PRKG1: variants seen among roughly 807,000 people sequenced by gnomAD.
The protein encoded by PRKG1 is cGMP-dependent protein kinase 1.
In PRKG1, 35 loss-of-function variants were observed where a neutral mutation model predicts 88.1. The ratio of observed to expected loss-of-function variants is 0.40; its 90% CI spans 0.30 to 0.53. The LOEUF is 0.53. Ranked by LOEUF, PRKG1 falls within the 20% of genes least tolerant of loss-of-function variation. The probability of loss-of-function intolerance (pLI) is 0.59; values close to 1 mark genes in which losing one functional copy is unlikely to be tolerated. For missense variants in PRKG1, 540 were observed against 839.8 expected (o/e 0.64, Z 4.41); for synonymous variants, 303 against 292.5 (o/e 1.04, Z -0.37).
intron 3 of PRKG1, among the ~76,000 whole-genome samples, chr10:51,802,490 A>C (rs1839197779): frequency 1.3e-5 from 2 of 152,118 alleles, no homozygotes; most frequent in African/African-American, 4.8e-5. Flanking sequence ...CATTCAGTTT[A>C]GATATTTTGA....
At chr10:51,209,066 A>G (rs2132069301) in intron 2 of PRKG1, among the ~76,000 whole-genome samples, 1 of 152,304 alleles carries the variant, frequency 6.6e-6, no homozygotes, top group East Asian at 1.9e-4. Context: ...CCAGCAATGG[A>G]AAATTTTGGT....
intron 5 of PRKG1, among the ~76,000 whole-genome samples, chr10:51,921,938 G>C (rs1425530754): frequency 6.6e-6 from 1 of 151,948 alleles, no homozygotes; most frequent in African/African-American, 2.4e-5. Context: ...GAATGAAGTA[G>C]AAAGTATTCT....
In PRKG1 at chr10:51,580,061, A is replaced by G. The variant is rs529201765; in HGVS notation, c.592+112225A>G. On this transcript the variant is annotated intron_variant, in intron 3 of 17. Transcript: ENST00000373980. ...GCATCTTTCTCATCCACATTCTCAT[A>G]TTTTTACTACATATGTGTTTGTCTG... Among the ~76,000 whole-genome samples the G allele has an allele frequency of 3.3e-5, 5 of 151,996 alleles. No homozygotes were observed. In the South Asian group the frequency reaches 1.0e-3, roughly 32 times the overall value.
chr10:51,680,976 G>T (rs537762990), intron 3 of PRKG1, among the ~76,000 whole-genome samples: 3 of 152,226 alleles, frequency 2.0e-5, no homozygotes, highest in Admixed American at 2.0e-4. Flanking sequence ...TAAAAACGAG[G>T]TGCATTCATT....
chr10:51,626,763 T>A (rs1009032499), intron 3 of PRKG1, among the ~76,000 whole-genome samples: 1 of 152,226 alleles, frequency 6.6e-6, no homozygotes, highest in Non-Finnish European at 1.5e-5. Context: ...TTGGTCAGTG[T>A]TGAGATCACT....
intron 3 of PRKG1, among the ~76,000 whole-genome samples, chr10:51,496,142 G>A (rs1223407478): frequency 6.6e-6 from 1 of 152,132 alleles, no homozygotes; most frequent in African/African-American, 2.4e-5. Context: ...ATTCAAGAAT[G>A]AAGTGATGTT....
chr10:52,205,043 G>A (rs1164434171), intron 9 of PRKG1, among the ~76,000 whole-genome samples: 2 of 152,108 alleles, frequency 1.3e-5, no homozygotes, highest in African/African-American at 4.8e-5. Context: ...TCTGCCTTAT[G>A]CAGATGTAGA....
chr10:51,713,324 T>C (rs2132437172), intron 3 of PRKG1, among the ~76,000 whole-genome samples: 1 of 152,304 alleles, frequency 6.6e-6, no homozygotes, highest in East Asian at 1.9e-4. Flanking sequence ...TTGCAAAGGG[T>C]TATTTTGTCA....
chr10:51,034,005 C>A (rs1232799219), intron 1 of PRKG1, among the ~76,000 whole-genome samples: 1 of 152,038 alleles, frequency 6.6e-6, no homozygotes, highest in East Asian at 1.9e-4. Context: ...ACACCAGAGA[C>A]AATGAGATGC....
At chr10:51,618,105 G>A (rs966958095) in intron 3 of PRKG1, among the ~76,000 whole-genome samples, 1 of 152,146 alleles carries the variant, frequency 6.6e-6, no homozygotes, top group Non-Finnish European at 1.5e-5. Flanking sequence ...TCTGGCTACA[G>A]CTGTTTTATC....
chr10:51,610,236 A>G (rs1263333298), intron 3 of PRKG1, among the ~76,000 whole-genome samples: 2 of 152,114 alleles, frequency 1.3e-5, no homozygotes, highest in African/African-American at 2.4e-5. Flanking sequence ...TATTCCTTCT[A>G]TTGAACTGTG....
At chr10:52,045,377 G>A (rs1187608712) in intron 5 of PRKG1, among the ~76,000 whole-genome samples, 1 of 152,098 alleles carries the variant, frequency 6.6e-6, no homozygotes, top group Admixed American at 6.6e-5. Flanking sequence ...AATGATTCAA[G>A]GAGAAAGGAC....
At chr10:52,089,804 C>CTTTTTTTTTTTTTTTTTTTTTTTTTTTT (rs397846439) in intron 7 of PRKG1, among the ~76,000 whole-genome samples, 4 of 67,732 alleles carry the variant, frequency 5.9e-5, no homozygotes, top group Non-Finnish European at 7.3e-5. Context: ...TTCTTTCCTT[C>CTTTTTTTTTTTTTTTTTTTTTTTTTTTT]TTTTTTTTTT....
At chr10:51,268,490 C>A (rs186752469) in intron 2 of PRKG1, among the ~76,000 whole-genome samples, 131 of 152,206 alleles carry the variant, frequency 8.6e-4, no homozygotes, top group African/African-American at 3.1e-3. Context: ...ATGTTCCTTG[C>A]TGAGAAAAAG....
At chr10:51,778,122 C>T (rs1362355436) in intron 3 of PRKG1, among the ~76,000 whole-genome samples, 1 of 152,108 alleles carries the variant, frequency 6.6e-6, no homozygotes, top group Non-Finnish European at 1.5e-5. Context: ...GATTAAATAA[C>T]TTGACATTTC....
intron 7 of PRKG1, among the ~76,000 whole-genome samples, chr10:52,089,071 C>A (rs1159521054): frequency 6.6e-6 from 1 of 151,980 alleles, no homozygotes; most frequent in Non-Finnish European, 1.5e-5. Context: ...TTTTTTTGGT[C>A]TCTTTAAGCC....
rs538906721 is a variant in PRKG1 at position 52,270,884 on chromosome 10, T to A, written c.1174-466T>A. ...TTAAAGTATAATAATAATAAAATTT[T>A]AAAAAAAAGATAAAAAAAATTAGAA... On this transcript the variant is annotated intron_variant, in intron 10 of 17. Coordinates refer to ENST00000373980, the MANE Select transcript of PRKG1 (RefSeq NM_006258.4). 3.4e-4 allele frequency among the ~76,000 whole-genome samples: 51 copies of A among 150,738 alleles called. 1 individual carries two copies. Among genetic ancestry groups the A allele is most frequent in the East Asian group, 6.2e-4 (3 of 4,866 alleles).
intron 5 of PRKG1, among the ~76,000 whole-genome samples, chr10:52,049,189 T>C (rs573021693): frequency 6.6e-6 from 1 of 152,068 alleles, no homozygotes; most frequent in South Asian, 2.1e-4. Flanking sequence ...GGATACAAAG[T>C]GAATGGGGTC....
intron 1 of PRKG1, among the ~76,000 whole-genome samples, chr10:51,128,784 TAAGA>T (rs1185949436): frequency 6.6e-6 from 1 of 152,206 alleles, no homozygotes; most frequent in Non-Finnish European, 1.5e-5. Flanking sequence ...GCTTATGTAG[TAAGA>T]AACATACACA....
Sources: gnomAD v4.1 joint callset for allele counts (sites outside exome capture counted in the v4.1 genomes callset) on GRCh38, gnomAD v4.1.1 for gene constraint, MANE v1.5 for transcripts, NCBI Gene and HGNC (gene_info 2026-07-23, HGNC 2026-07-21) for gene names.